Variants in EYS observed in about 807,000 individuals in gnomAD.
The protein encoded by EYS is EGF-like photoreceptor maintenance factor.
EYS carries 250 observed loss-of-function variants against 282.1 expected under a neutral mutation model. That is an observed-to-expected ratio of 0.89 (90% CI 0.80 to 0.98). EYS has a LOEUF of 0.98. Ranked by LOEUF, EYS falls within the 50% of genes least tolerant of loss-of-function variation. The probability of loss-of-function intolerance (pLI) is 0.00; values close to 1 mark genes in which losing one functional copy is unlikely to be tolerated. For missense variants in EYS, 4,016 were observed against 3,709.0 expected, an observed-to-expected ratio of 1.08 and a Z score of -2.15; for synonymous variants, 1,355 against 1,282.9, an observed-to-expected ratio of 1.06 and a Z score of -1.20.
intron 2 of EYS, among the ~76,000 whole-genome samples, chr6:65,514,616 A>AGCC (rs1453201008): frequency 6.6e-6 from 1 of 152,214 alleles, no homozygotes; most frequent in African/African-American, 2.4e-5. Context: ...AACAGAACAG[A>AGCC]GCCCTCAGAA....
chr6:65,371,452 G>A (rs958953551), intron 8 of EYS, among the ~76,000 whole-genome samples: 25 of 150,216 alleles, frequency 1.7e-4, no homozygotes, highest in African/African-American at 6.0e-4. Context: ...TGTAACATTT[G>A]AGAAAATACC....
intron 2 of EYS, among the ~76,000 whole-genome samples, chr6:65,516,235 A>G (rs1219425268): frequency 6.6e-6 from 1 of 152,116 alleles, no homozygotes; most frequent in Admixed American, 6.6e-5. Context: ...GCCCATGTAT[A>G]TGAATAAACC....
At chr6:64,471,319 G>A (rs1776115937) in intron 26 of EYS, among the ~76,000 whole-genome samples, 1 of 152,064 alleles carries the variant, frequency 6.6e-6, no homozygotes, top group African/African-American at 2.4e-5. Context: ...GTTTGCAGGT[G>A]ATATAATCCT....
chr6:64,905,577 G>T (rs967315980), intron 16 of EYS, among the ~76,000 whole-genome samples: 13 of 152,046 alleles, frequency 8.6e-5, no homozygotes, highest in African/African-American at 3.1e-4. Flanking sequence ...TTCTGCACTC[G>T]TTCCTCCAAA....
Position 64,107,987 on chromosome 6 carries a change from T to A in EYS, c.6425-25985A>T, listed in dbSNP as rs1310047988. ...TTTCCTGAGGTAGTTTAGGCTCTGA[T>A]AAAATCCCAGAAGGTTAGGTTCTGA... On this transcript the variant is annotated intron_variant, in intron 31 of 42. Transcript: ENST00000503581. Among the ~76,000 whole-genome samples the A allele has an allele frequency of 2.0e-5, 3 of 152,240 alleles. No homozygotes were observed. In the South Asian group the frequency reaches 6.2e-4, roughly 32 times the overall value.
intron 14 of EYS, among the ~76,000 whole-genome samples, chr6:64,948,612 A>G (rs1209958502): frequency 1.4e-5 from 2 of 147,222 alleles, no homozygotes; most frequent in Non-Finnish European, 3.0e-5. Context: ...AAATAATATT[A>G]AATAATAGTA....
intron 7 of EYS, among the ~76,000 whole-genome samples, chr6:65,393,182 G>T (rs1766123324): frequency 6.6e-6 from 1 of 151,896 alleles, no homozygotes; most frequent in South Asian, 2.1e-4. Flanking sequence ...TGGGGTGGGG[G>T]GACGGGGGAG....
intron 26 of EYS, among the ~76,000 whole-genome samples, chr6:64,521,774 C>G: frequency 6.6e-6 from 1 of 151,752 alleles, no homozygotes; most frequent in African/African-American, 2.4e-5. Flanking sequence ...TACTATTTTA[C>G]TGCTATTATG....
chr6:64,576,355 C>G (rs556684229), intron 26 of EYS, among the ~76,000 whole-genome samples: 1 of 152,052 alleles, frequency 6.6e-6, no homozygotes, highest in East Asian at 1.9e-4. Flanking sequence ...TATGCCCAAC[C>G]CCAGGTTTTT....
chr6:63,948,460 CCTG>C (rs1765464606), intron 35 of EYS, among the ~76,000 whole-genome samples: 1 of 152,176 alleles, frequency 6.6e-6, no homozygotes, highest in Non-Finnish European at 1.5e-5. Context: ...TGCACTGATG[CCTG>C]CCTCCAGTAG....
chr6:63,928,066 C>T (rs1326567595), intron 35 of EYS, among the ~76,000 whole-genome samples: 3 of 152,150 alleles, frequency 2.0e-5, no homozygotes, highest in African/African-American at 7.2e-5. Flanking sequence ...GATCACTTAG[C>T]CTCTCTGTGT....
intron 37 of EYS, among the ~76,000 whole-genome samples, chr6:63,796,401 A>G (rs1770645559): frequency 6.6e-6 from 1 of 152,202 alleles, no homozygotes; most frequent in Non-Finnish European, 1.5e-5. Flanking sequence ...GTATTTCAGC[A>G]TATTCCAGTT....
At chr6:65,467,615 T>A (rs551402198) in intron 5 of EYS, among the ~76,000 whole-genome samples, 1 of 152,228 alleles carries the variant, frequency 6.6e-6, no homozygotes, top group East Asian at 1.9e-4. Context: ...GATATGTCAC[T>A]TTATGAGATT....
chr6:65,363,103 C>T (rs1457534334), intron 8 of EYS, among the ~76,000 whole-genome samples: 2 of 151,834 alleles, frequency 1.3e-5, no homozygotes, highest in Non-Finnish European at 2.9e-5. Context: ...GACTTGCATG[C>T]CAAATGTCAT....
At position 64,384,725 on chromosome 6, in the gene EYS, T is replaced by G. The variant is rs651225; in HGVS notation, c.6078+3965A>C. Among the ~76,000 whole-genome samples the G allele has an allele frequency of 3.0e-3, 457 of 152,314 alleles. 4 individuals are homozygous for G. The highest frequency in any genetic ancestry group is 0.01 in the African/African-American group (433 of 41,562). On this transcript the variant is annotated intron_variant, in intron 29 of 42. Transcript: ENST00000503581. Reference sequence around the variant, plus strand: ...TTTCTACCACCAGAGAGAAGGCATTTACTCTCAGACCTTGAAAGTTATCAT... The same window carrying G: ...TTTCTACCACCAGAGAGAAGGCATTGACTCTCAGACCTTGAAAGTTATCAT...
chr6:63,720,763 AG>A lies in EYS; in HGVS notation c.9267del (p.Phe3090LeufsTer7). 1 of 1,550,600 alleles carries A rather than the reference AG, an allele frequency of 6.4e-7. No individual in the cohort carries two copies. Among genetic ancestry groups the A allele is most frequent in the Non-Finnish European group, 8.7e-7 (1 of 1,146,394 alleles). ...LNYDGICYLG[G>X]FEYGRKVNIV... Reference sequence around the variant, plus strand: ...ATATTTACCTTTCTACCATATTCAAAGCCCCCTAGATAACAAATGCCATCAT... The same window carrying A: ...ATATTTACCTTTCTACCATATTCAAACCCCCTAGATAACAAATGCCATCAT... On this transcript the variant is annotated frameshift_variant, in exon 43 of 43. Transcript: ENST00000503581. LOFTEE classifies it high-confidence loss of function.
intron 1 of EYS, among the ~76,000 whole-genome samples, chr6:65,667,249 A>G (rs1017747420): frequency 7.2e-5 from 11 of 152,004 alleles, no homozygotes; most frequent in Non-Finnish European, 1.3e-4. Context: ...TGTTCTGCTA[A>G]AACTCTTCAA....
At chr6:63,851,740 C>T (rs898715085) in intron 36 of EYS, among the ~76,000 whole-genome samples, 1 of 151,952 alleles carries the variant, frequency 6.6e-6, no homozygotes, top group South Asian at 2.1e-4. Context: ...AAACTGACAC[C>T]CAACATCACA....
At chr6:64,279,640 T>C (rs1768235051) in intron 30 of EYS, among the ~76,000 whole-genome samples, 1 of 152,212 alleles carries the variant, frequency 6.6e-6, no homozygotes, top group Non-Finnish European at 1.5e-5. Context: ...GAATGGATAG[T>C]TTATTTTTCC....
Sources: allele counts gnomAD v4.1 joint callset (sites outside exome capture counted in the v4.1 genomes callset), GRCh38; gene constraint gnomAD v4.1.1; transcripts MANE v1.5; gene names NCBI Gene and HGNC (gene_info 2026-07-23, HGNC 2026-07-21).